CDH13: variants seen among roughly 807,000 people sequenced by gnomAD.
CDH13 encodes cadherin-13.
Under a neutral mutation model 63.8 loss-of-function variants are expected in CDH13, and 24 were observed. The observed-to-expected ratio is 0.38, with a 90% confidence interval of 0.27 to 0.53. The LOEUF (loss-of-function observed/expected upper bound fraction) is 0.53, where lower values mean the gene tolerates loss of function less well. CDH13 is among the 20% of genes least tolerant of loss of function. The pLI is 0.85. For synonymous variants in CDH13, 503 were observed against 355.3 expected (o/e 1.42, Z -4.67); for missense variants, 1,049 against 903.1 (o/e 1.16, Z -2.07).
intron 4 of CDH13, among the ~76,000 whole-genome samples, chr16:83,201,982 A>G (rs1423132432): frequency 1.3e-5 from 2 of 152,140 alleles, no homozygotes; most frequent in African/African-American, 4.8e-5. Flanking sequence ...TGGTGTCACC[A>G]TGTTTGAGCC....
At chr16:83,442,286 G>T (rs1363114424) in intron 6 of CDH13, among the ~76,000 whole-genome samples, 1 of 152,192 alleles carries the variant, frequency 6.6e-6, no homozygotes, top group South Asian at 2.1e-4. Context: ...GATCCCATCA[G>T]CCTTGACGAG....
intron 5 of CDH13, among the ~76,000 whole-genome samples, chr16:83,288,469 A>G (rs1360576709): frequency 1.3e-5 from 2 of 152,202 alleles, no homozygotes; most frequent in Non-Finnish European, 2.9e-5. Flanking sequence ...AGGATATGAG[A>G]GGCTGATCAA....
chr16:82,670,360 C>G (rs566525432), intron 1 of CDH13, among the ~76,000 whole-genome samples: 1 of 152,338 alleles, frequency 6.6e-6, no homozygotes, highest in African/African-American at 2.4e-5. Context: ...CCTCTTCCTT[C>G]TCTCCACCTT....
At position 82,950,621 on chromosome 16, in the gene CDH13, T is replaced by A. The variant is rs117653359; in HGVS notation, c.158-81389T>A. On this transcript the variant is annotated intron_variant, in intron 2 of 13. Transcript: ENST00000567109. ...TGATTGTGAGGCCTCTCCAGCCACG[T>A]GTAACTGTGAGTCCATTAAACATCT... is the stretch of plus-strand genomic sequence containing the variant. 2.6e-3 allele frequency among the ~76,000 whole-genome samples: 397 copies of A among 152,280 alleles called. 14 individuals are homozygous for A. In the East Asian group the frequency reaches 0.071, roughly 27 times the overall value.
At chr16:82,999,901 CT>C (rs1249560786) in intron 2 of CDH13, among the ~76,000 whole-genome samples, 1 of 152,078 alleles carries the variant, frequency 6.6e-6, no homozygotes, top group Non-Finnish European at 1.5e-5. Context: ...ATTTCACCCC[CT>C]GAGGGCATTT....
chr16:83,481,747 A>G (rs1280244222), intron 6 of CDH13, among the ~76,000 whole-genome samples: 2 of 152,122 alleles, frequency 1.3e-5, no homozygotes, highest in South Asian at 2.1e-4. Flanking sequence ...GGTGATTATA[A>G]TTTATTTTGT....
In CDH13 at chr16:82,972,457, A is replaced by G. The variant is rs537332284; in HGVS notation, c.158-59553A>G. Among the ~76,000 whole-genome samples the G allele has an allele frequency of 7.9e-5, 12 of 152,330 alleles. No individual in the cohort carries two copies. The South Asian group carries it at 2.1e-3, about 26-fold the overall frequency. On this transcript the variant is annotated intron_variant, in intron 2 of 13. Transcript: ENST00000567109. ...AGCATCTCATCTCTTCTTTAGCCGA[A>G]AAACATACTGCATTAGCTGAGTCTC... is the stretch of plus-strand genomic sequence containing the variant.
intron 11 of CDH13, among the ~76,000 whole-genome samples, chr16:83,761,418 T>A (rs1466161282): frequency 6.6e-6 from 1 of 152,156 alleles, no homozygotes; most frequent in Non-Finnish European, 1.5e-5. Context: ...CAAAGAACAA[T>A]TGGTGAATTG....
chr16:83,202,692 A>G lies in CDH13; in HGVS notation c.484-14653A>G, dbSNP rs760925083. On this transcript the variant is annotated intron_variant, in intron 4 of 13. Coordinates refer to ENST00000567109, the MANE Select transcript of CDH13 (RefSeq NM_001257.5). ...AAAACTCTCAGGGAAAGGGCAGTCA[A>G]CGTGAATTTCCAGCCAGAAAGTCTT... Among the ~76,000 whole-genome samples, 76 of 152,352 alleles carry G rather than the reference A, an allele frequency of 5.0e-4. 1 individual carries two copies. The highest frequency in any genetic ancestry group is 5.9e-4 in the Non-Finnish European group (40 of 68,032).
Position 83,284,903 on chromosome 16 carries a change from A to C in CDH13, c.637-59959A>C, listed in dbSNP as rs2089270227. 3.3e-5 allele frequency among the ~76,000 whole-genome samples: 5 copies of C among 152,222 alleles called. No homozygotes were observed. In the South Asian group the frequency reaches 1.0e-3, roughly 31 times the overall value. ...AAATGATTTTTGTAATAAAGTGAAC[A>C]AACTGGATAGGTTCTCTTGAGCTGG... On this transcript the variant is annotated intron_variant, in intron 5 of 13. Coordinates refer to ENST00000567109, the MANE Select transcript of CDH13 (RefSeq NM_001257.5).
chr16:83,222,534 G>A (rs2039727829), intron 5 of CDH13, among the ~76,000 whole-genome samples: 1 of 152,154 alleles, frequency 6.6e-6, no homozygotes, highest in Non-Finnish European at 1.5e-5. Context: ...AAACGTTCAT[G>A]TTATGAACAA....
intron 5 of CDH13, among the ~76,000 whole-genome samples, chr16:83,247,120 G>A (rs1905064089): frequency 6.6e-6 from 1 of 152,232 alleles, no homozygotes; most frequent in Non-Finnish European, 1.5e-5. Flanking sequence ...TAGGATTGGA[G>A]ATCATTGGTA....
At chr16:83,784,282 C>T (rs911687956) in intron 13 of CDH13, among the ~76,000 whole-genome samples, 1 of 152,132 alleles carries the variant, frequency 6.6e-6, no homozygotes, top group Non-Finnish European at 1.5e-5. Flanking sequence ...CATAGTACAA[C>T]ATTGGACATT....
chr16:82,764,439 C>T (rs1214873469), intron 1 of CDH13, among the ~76,000 whole-genome samples: 1 of 152,144 alleles, frequency 6.6e-6, no homozygotes, highest in Non-Finnish European at 1.5e-5. Context: ...AGTCTCAAAT[C>T]TATGTTCAGA....
intron 4 of CDH13, among the ~76,000 whole-genome samples, chr16:83,184,370 C>T (rs1234060946): frequency 6.6e-6 from 1 of 152,098 alleles, no homozygotes; most frequent in Non-Finnish European, 1.5e-5. Context: ...CGTATCATTC[C>T]TCAACCAACA....
At chr16:82,983,287 T>G (rs1910520807) in intron 2 of CDH13, among the ~76,000 whole-genome samples, 1 of 152,156 alleles carries the variant, frequency 6.6e-6, no homozygotes, top group Admixed American at 6.6e-5. Flanking sequence ...GATTTTCATC[T>G]CAGTTTGATA....
At chr16:83,753,851 A>T (rs1232587674) in intron 11 of CDH13, among the ~76,000 whole-genome samples, 1 of 151,908 alleles carries the variant, frequency 6.6e-6, no homozygotes, top group Admixed American at 6.6e-5. Context: ...CAGATAATAT[A>T]AAAAAATCTT....
At chr16:82,915,324 G>A (rs1242473184) in intron 2 of CDH13, among the ~76,000 whole-genome samples, 1 of 152,216 alleles carries the variant, frequency 6.6e-6, no homozygotes, top group African/African-American at 2.4e-5. Context: ...TTTTGTGACA[G>A]TGGTTCTCTG....
intron 1 of CDH13, among the ~76,000 whole-genome samples, chr16:82,688,137 A>G (rs898398930): frequency 1.3e-5 from 2 of 152,100 alleles, no homozygotes; most frequent in African/African-American, 4.8e-5. Flanking sequence ...TAAACAAGTA[A>G]CCACAGGGTA....
Sources: gnomAD v4.1 joint callset for allele counts (sites outside exome capture counted in the v4.1 genomes callset) on GRCh38, gnomAD v4.1.1 for gene constraint, MANE v1.5 for transcripts, NCBI Gene and HGNC (gene_info 2026-07-23, HGNC 2026-07-21) for gene names.